Variants in ZYX observed in about 807,000 individuals in gnomAD.
ZYX encodes zyxin-2.
ZYX carries 37 observed loss-of-function variants against 58.1 expected under a neutral mutation model. The observed-to-expected ratio is 0.64, with a 90% confidence interval of 0.49 to 0.84. The LOEUF (loss-of-function observed/expected upper bound fraction) is 0.84. Among genes scored for constraint, ZYX ranks in the 40% least tolerant of loss-of-function variants. The pLI is 0.00. For synonymous variants in ZYX, 324 were observed against 321.1 expected (o/e 1.01, Z -0.10); for missense variants, 762 against 761.6 (o/e 1.00, Z -0.01).
chr7:143,385,658 A>ATTTTTTTT (rs1804832372), intron 5 of ZYX, among the ~76,000 whole-genome samples: 1 of 80,564 alleles, frequency 1.2e-5, no homozygotes, highest in Non-Finnish European at 2.4e-5. Context: ...GGTGTGGTAT[A>ATTTTTTTT]TCTTTTTTTT....
chr7:143,388,838 C>T lies in ZYX; in HGVS notation c.1386C>T (p.Ala462=), dbSNP rs1804966066. The T allele has an allele frequency of 1.9e-6, 3 of 1,613,998 alleles. No homozygotes were observed. The African/African-American group carries it at 4.0e-5, about 22-fold the overall frequency. ...TDRMLRATGK[A]YHPHCFTCVV... ...GCATGCTGAGGGCCACGGGCAAGGC[C>T]TATCACCCGCACTGCTTCACCTGTG... Residue 462 remains alanine, a synonymous_variant, in exon 8 of 10, where the codon GCC becomes GCT. Transcript: ENST00000322764. This position sits in a 1 kb window ranked among gnomAD's most constrained non-coding sequence, Gnocchi z 7.5.
rs1221616381 is a variant in ZYX at position 143,383,088 on chromosome 7, C to A, written c.789C>A (p.Ala263=). 2 of 1,614,216 alleles carry A rather than the reference C, an allele frequency of 1.2e-6. No individual in the cohort carries two copies. Among genetic ancestry groups the A allele is most frequent in the Admixed American group, 3.3e-5 (2 of 60,022 alleles). Residue 263 remains alanine, a synonymous_variant, in exon 5 of 10, where the codon GCC becomes GCA. Transcript: ENST00000322764. ...RGPPASSPAP[A]PKFSPVTPKF... ...CCCCAGCCTCATCTCCGGCTCCAGC[C>A]CCTAAGTTTTCTCCAGTGACTCCTA... is the stretch of plus-strand genomic sequence containing the variant.
chr7:143,386,978 A>G (rs1804886927), intron 5 of ZYX, among the ~76,000 whole-genome samples: 1 of 152,080 alleles, frequency 6.6e-6, no homozygotes, highest in Non-Finnish European at 1.5e-5. Flanking sequence ...GTGCTTCTGA[A>G]GGAGGAGCCA....
At chr7:143,383,812 G>T (rs1181628609) in intron 5 of ZYX, among the ~76,000 whole-genome samples, 5 of 152,226 alleles carry the variant, frequency 3.3e-5, no homozygotes, top group African/African-American at 1.2e-4. Flanking sequence ...GCCCAGGAGG[G>T]TAGGACATGG....
chr7:143,390,599 A>T lies in ZYX; in HGVS notation c.1636A>T (p.Ile546Phe). Residue 546 changes from isoleucine to phenylalanine, a missense_variant, in exon 10 of 10, where the codon ATT (isoleucine) becomes TTT (phenylalanine). Transcript: ENST00000322764. The surrounding 1 kb of genome is among the most constrained non-coding windows in gnomAD (Gnocchi z 4.3). ...KCEDCGKPLS[I>F]EADDNGCFPL... Reference sequence around the variant, plus strand: ...CCAGGACTGCGGGAAGCCCCTGTCGATTGAGGCAGATGACAATGGCTGCTT... The same window carrying T: ...CCAGGACTGCGGGAAGCCCCTGTCGTTTGAGGCAGATGACAATGGCTGCTT... The T allele has an allele frequency of 6.3e-7, 1 of 1,576,470 alleles. No homozygotes were observed. The highest frequency in any genetic ancestry group is 8.6e-7 in the Non-Finnish European group (1 of 1,160,426).
intron 5 of ZYX, among the ~76,000 whole-genome samples, chr7:143,386,736 T>C (rs545901110): frequency 1.3e-5 from 2 of 152,142 alleles, no homozygotes; most frequent in South Asian, 4.2e-4. Flanking sequence ...CTAAGGCTTT[T>C]CTGGGTTCAT....
Position 143,384,787 on chromosome 7 carries a change from G to A in ZYX, c.1023+1465G>A, listed in dbSNP as rs1402136549. ...CACGATTTGGAGATGGGGTGTGGGCGGATGGCAGGATTGCTGACAAAATAG... is the reference window on the plus strand; with the variant it reads ...CACGATTTGGAGATGGGGTGTGGGCAGATGGCAGGATTGCTGACAAAATAG... On this transcript the variant is annotated intron_variant, in intron 5 of 9. Transcript: ENST00000322764. This position sits in a 1 kb window ranked among gnomAD's most constrained non-coding sequence, Gnocchi z 4.9. 2.0e-5 allele frequency among the ~76,000 whole-genome samples: 3 copies of A among 152,148 alleles called. No individual in the cohort carries two copies. The highest frequency in any genetic ancestry group is 4.8e-5 in the African/African-American group (2 of 41,420).
chr7:143,381,873 C>T, intron 2 of ZYX, 94 bp downstream of exon 2: 2 of 1,261,970 alleles, frequency 1.6e-6, no homozygotes, highest in Non-Finnish European at 1.1e-6. Context: ...AGGTTGTTGC[C>T]GAGGGGGCTG....
rs183703891 is a variant in ZYX, at chr7:143,389,621, C to T, written c.1494-236C>T. On this transcript the variant is annotated intron_variant, in intron 8 of 9. Transcript: ENST00000322764. This position sits in a 1 kb window ranked among gnomAD's most constrained non-coding sequence, Gnocchi z 5.6. ...GTAAGGGTCGAGTGGGAGAGAACACCGTGGCAGGTGTGTGGGAGGCTCCCT... is the reference window on the plus strand; with the variant it reads ...GTAAGGGTCGAGTGGGAGAGAACACTGTGGCAGGTGTGTGGGAGGCTCCCT... Among the ~76,000 whole-genome samples, 21 of 152,234 alleles carry T rather than the reference C, an allele frequency of 1.4e-4. No homozygotes were observed. The East Asian group carries it at 3.1e-3, about 22-fold the overall frequency.
chr7:143,381,503 G>A, intron 1 of ZYX, 54 bp from the exon 2 acceptor site: 1 of 1,526,512 alleles, frequency 6.6e-7, no homozygotes, highest in East Asian at 2.5e-5. Flanking sequence ...AGCTGGGACC[G>A]CCTGGGGCTC....
At position 143,383,070 on chromosome 7, in the gene ZYX, C is replaced by T. The variant is rs141741451; in HGVS notation, c.771C>T (p.Ala257=). The T allele has an allele frequency of 1.0e-4, 169 of 1,614,116 alleles. No individual in the cohort carries two copies. The highest frequency in any genetic ancestry group is 1.4e-4 in the Non-Finnish European group (161 of 1,180,048). The stretch of plus-strand genomic sequence containing the variant: ...ACACCCAGCCCCGAGGGCCCCCAGC[C>T]TCATCTCCGGCTCCAGCCCCTAAGT... The part of the protein sequence containing the change: ...LANTQPRGPP[A]SSPAPAPKFS... The change falls in exon 5 of 10, where the codon GCC becomes GCT. Residue 257 remains alanine (A), a synonymous_variant. Transcript: ENST00000322764.
rs2116587237 is a variant in ZYX at position 143,387,649 on chromosome 7, G to A, written c.1024-570G>A. 2.1e-6 allele frequency: 1 copy of A among 468,336 alleles called. No individual in the cohort carries two copies. The highest frequency in any genetic ancestry group is 1.6e-5 in the South Asian group (1 of 64,376). The allele number at this position is 468,336 out of a possible 1,614,324, so 29.0% of individuals were successfully genotyped here. A position where few individuals can be genotyped will look rare whatever the true frequency, so the allele number is the denominator to read the frequency against. ...AGGGACCTGAGTGAGGTAGTTCAGA[G>A]GCCCCTCACTCGAGGGACAGGGTCT... On this transcript the variant is annotated intron_variant, in intron 5 of 9. Coordinates refer to ENST00000322764, the MANE Select transcript of ZYX (RefSeq NM_003461.5). This position sits in a 1 kb window ranked among gnomAD's most constrained non-coding sequence, Gnocchi z 5.8.
In ZYX at chr7:143,384,220, A is replaced by AG; in HGVS notation, c.1023+901dup. ...GGACACAGCATAGGAAGAAATGCCA[A>AG]GGGCCAGTGAGCTTTGCAGAATCCT... On this transcript the variant is annotated intron_variant, in intron 5 of 9. Transcript: ENST00000322764. The surrounding 1 kb of genome is among the most constrained non-coding windows in gnomAD (Gnocchi z 4.9). 2.1e-6 allele frequency: 1 copy of AG among 471,818 alleles called. No individual in the cohort carries two copies. Among genetic ancestry groups the AG allele is most frequent in the South Asian group, 1.5e-5 (1 of 64,572 alleles). The allele number at this position is 471,818 out of a possible 1,614,324, so 29.2% of individuals were successfully genotyped here. A position where few individuals can be genotyped will look rare whatever the true frequency, so the allele number is the denominator to read the frequency against.
chr7:143,386,166 G>C (rs996561232), intron 5 of ZYX, among the ~76,000 whole-genome samples: 3 of 151,964 alleles, frequency 2.0e-5, no homozygotes, highest in South Asian at 2.1e-4. Context: ...AGGGGAGAAG[G>C]GCTCAGGTAC....
At position 143,390,435 on chromosome 7, in the gene ZYX, G is replaced by A; in HGVS notation, c.1615-143G>A. ...GAAGTAGGATAGGGATGGGGAGTTG[G>A]GTGTGGCTGGAAAAAGCGATGACAC... On this transcript the variant is annotated intron_variant, in intron 9 of 9. Transcript: ENST00000322764. The surrounding 1 kb of genome is among the most constrained non-coding windows in gnomAD (Gnocchi z 4.3). 1.5e-6 allele frequency: 1 copy of A among 659,798 alleles called. No homozygotes were observed. Among genetic ancestry groups the A allele is most frequent in the Non-Finnish European group, 2.6e-6 (1 of 377,442 alleles). 40.9% of individuals were successfully genotyped at this position (659,798 alleles called of 1,614,324 possible).
At chr7:143,385,051 C>T (rs1804805583) in intron 5 of ZYX, among the ~76,000 whole-genome samples, 1 of 151,850 alleles carries the variant, frequency 6.6e-6, no homozygotes, top group African/African-American at 2.4e-5. Context: ...ACAGCGGGGA[C>T]CAGGAGGTGC....
chr7:143,385,317 G>T (rs1263045542), intron 5 of ZYX, among the ~76,000 whole-genome samples: 4 of 151,374 alleles, frequency 2.6e-5, no homozygotes, highest in African/African-American at 9.7e-5. Flanking sequence ...TGTGTCAGTG[G>T]TGTGTGTGTG....
In ZYX at chr7:143,388,617, TAC is replaced by T. The variant is rs1156660202; in HGVS notation, c.1275_1276del (p.Tyr425Ter). ...CAQQLQGQQF[Y>X]SLEGAPYCEG... ...GCAGCAGCTCCAGGGCCAGCAGTTC[TAC>T]AGTCTGGAGGGGGCGCCGTACTGCG... On this transcript the variant is annotated frameshift_variant, in exon 7 of 10. Transcript: ENST00000322764. LOFTEE classifies it high-confidence loss of function. The surrounding 1 kb of genome is among the most constrained non-coding windows in gnomAD (Gnocchi z 7.5). The T allele has an allele frequency of 6.2e-7, 1 of 1,613,340 alleles. No homozygotes were observed. Among genetic ancestry groups the T allele is most frequent in the Non-Finnish European group, 8.5e-7 (1 of 1,179,962 alleles).
Position 143,383,051 on chromosome 7 carries a change from A to G in ZYX, c.752A>G (p.Gln251Arg), listed in dbSNP as rs1241496469. 6.2e-7 allele frequency: 1 copy of G among 1,614,134 alleles called. No homozygotes were observed. The highest frequency in any genetic ancestry group is 1.7e-5 in the Admixed American group (1 of 60,024). ...QTQPVSLANT[Q>R]PRGPPASSPA... is the part of the protein sequence containing the mutation. ...CAGCCTGTGTCTTTGGCTAACACCCAGCCCCGAGGGCCCCCAGCCTCATCT... is the reference window on the plus strand; with the variant it reads ...CAGCCTGTGTCTTTGGCTAACACCCGGCCCCGAGGGCCCCCAGCCTCATCT... The change falls in exon 5 of 10, where the codon CAG (glutamine) becomes CGG (arginine). Residue 251 changes from glutamine (Q) to arginine (R), a missense_variant. Gln to Arg is a conservative substitution (Grantham distance 43, BLOSUM62 1). Transcript: ENST00000322764.
Sources: gnomAD v4.1 joint callset for allele counts (sites outside exome capture counted in the v4.1 genomes callset) on GRCh38, gnomAD v4.1.1 for gene constraint, Gnocchi (gnomAD v3.1) non-coding constraint, MANE v1.5 for transcripts, NCBI Gene and HGNC (gene_info 2026-07-23, HGNC 2026-07-21) for gene names.